Variants in ARHGEF7 observed in about 807,000 individuals in gnomAD.
ARHGEF7 encodes the protein PAK-interacting exchange factor beta.
A neutral mutation model predicts 109.8 loss-of-function variants in ARHGEF7; 33 were observed. The observed-to-expected ratio is 0.30, with a 90% CI of 0.23 to 0.40. The LOEUF (loss-of-function observed/expected upper bound fraction) is 0.40. Among genes scored for constraint, ARHGEF7 ranks in the 10% least tolerant of loss-of-function variants. The pLI is 1.00. For missense variants in ARHGEF7, 938 were observed against 1,098.5 expected (o/e 0.85, Z 2.07); for synonymous variants, 458 against 424.6 (o/e 1.08, Z -0.97).
intron 9 of ARHGEF7, among the ~76,000 whole-genome samples, chr13:111,269,743 C>T (rs1252171069): frequency 6.6e-6 from 1 of 152,138 alleles, no homozygotes; most frequent in Non-Finnish European, 1.5e-5. Flanking sequence ...AGCTTGTGTG[C>T]CCTCCCGAGG....
At chr13:111,252,517 G>A (rs1451276598) in intron 8 of ARHGEF7, among the ~76,000 whole-genome samples, 2 of 152,238 alleles carry the variant, frequency 1.3e-5, no homozygotes, top group African/African-American at 4.8e-5. Context: ...GTGAAAAGAA[G>A]TTATCCCAGA....
chr13:111,292,690 C>T (rs1595590656), intron 19 of ARHGEF7: 1 of 1,050,968 alleles, frequency 9.5e-7, no homozygotes, highest in Non-Finnish European at 1.1e-6. Context: ...TGAAATCACA[C>T]AGGTTTGTGA....
chr13:111,119,976 G>A (rs1248550802), intron 1 of ARHGEF7, among the ~76,000 whole-genome samples: 2 of 152,196 alleles, frequency 1.3e-5, no homozygotes, highest in Non-Finnish European at 2.9e-5. Flanking sequence ...TTATAGAGAA[G>A]TTATAATATG....
chr13:111,297,453 C>T (rs974105389), intron 19 of ARHGEF7, among the ~76,000 whole-genome samples: 8 of 152,222 alleles, frequency 5.3e-5, no homozygotes, highest in Admixed American at 1.3e-4. Context: ...GTGCCGGGCA[C>T]ATACAGTAAC....
intron 2 of ARHGEF7, among the ~76,000 whole-genome samples, chr13:111,193,851 G>A (rs2080185429): frequency 6.6e-6 from 1 of 152,224 alleles, no homozygotes; most frequent in Non-Finnish European, 1.5e-5. Flanking sequence ...TTTGTTGGCA[G>A]TCATGCTCGA....
chr13:111,293,801 G>A lies in ARHGEF7; in HGVS notation c.2311+1507G>A, dbSNP rs201531278. On this transcript the variant is annotated intron_variant, in intron 19 of 21. Coordinates refer to ENST00000646102, the MANE Select transcript of ARHGEF7 (RefSeq NM_001354046.2). ...CTGCCCACTCCTTCGCCAAACCCAC[G>A]TATTCAGTGTTCTGATCTTGTTTGT... 1.3e-5 allele frequency: 13 copies of A among 985,210 alleles called. No individual in the cohort carries two copies. In the East Asian group the frequency reaches 1.1e-3, roughly 86 times the overall value. 61.0% of individuals were successfully genotyped at this position (985,210 alleles called of 1,614,324 possible).
intron 2 of ARHGEF7, among the ~76,000 whole-genome samples, chr13:111,191,373 G>A (rs1594514605): frequency 1.3e-5 from 2 of 152,182 alleles, no homozygotes; most frequent in East Asian, 1.9e-4. Flanking sequence ...CCGTGTATGC[G>A]CTTTTCATTG....
In ARHGEF7 at chr13:111,303,295, A is replaced by G; in HGVS notation, c.*182A>G. 1 of 536,690 alleles carries G rather than the reference A, an allele frequency of 1.9e-6. No homozygotes were observed. Among genetic ancestry groups the G allele is most frequent in the East Asian group, 3.1e-5 (1 of 32,210 alleles). The allele number at this position is 536,690 out of a possible 1,614,324, so 33.2% of individuals were successfully genotyped here. ...GAGACGATCAAACCATGACTGATGA[A>G]TCCAGACAGGAGGGATTGACTCTGA... On this transcript the variant is annotated 3_prime_UTR_variant, in exon 22 of 22. Transcript: ENST00000646102.
At chr13:111,299,612 G>A (rs554120244) in intron 19 of ARHGEF7, among the ~76,000 whole-genome samples, 121 of 152,304 alleles carry the variant, frequency 7.9e-4, no homozygotes, top group Middle Eastern at 3.4e-3. Context: ...AAAGTGCTGG[G>A]ATTACAGGCG....
chr13:111,135,911 A>T (rs1683011110), intron 1 of ARHGEF7, among the ~76,000 whole-genome samples: 1 of 152,202 alleles, frequency 6.6e-6, no homozygotes, highest in Non-Finnish European at 1.5e-5. Context: ...TTGCCCATTC[A>T]GTATGATATT....
intron 5 of ARHGEF7, among the ~76,000 whole-genome samples, chr13:111,221,525 A>G (rs1460978477): frequency 6.0e-5 from 2 of 33,402 alleles, no homozygotes; most frequent in African/African-American, 9.3e-5. Context: ...ATATATATCT[A>G]TATATATCTA....
chr13:111,261,861 G>A (rs1292626034), intron 8 of ARHGEF7, among the ~76,000 whole-genome samples: 1 of 152,186 alleles, frequency 6.6e-6, no homozygotes, highest in Non-Finnish European at 1.5e-5. Context: ...GTGTGCTCCT[G>A]AATGACCAGT....
At chr13:111,187,090 T>C (rs1594455326) in intron 2 of ARHGEF7, 1 of 872,356 alleles carries the variant, frequency 1.1e-6, no homozygotes, top group African/African-American at 1.8e-5. Context: ...CTGGTCAGTG[T>C]GTCCTTTTGC....
chr13:111,303,206 A>G lies in ARHGEF7; in HGVS notation c.*93A>G. 24 of 435,476 alleles carry G rather than the reference A, an allele frequency of 5.5e-5. No homozygotes were observed. Among genetic ancestry groups the G allele is most frequent in the Non-Finnish European group, 9.6e-5 (22 of 228,104 alleles). The allele number at this position is 435,476 out of a possible 1,614,324, so 27.0% of individuals were successfully genotyped here. On this transcript the variant is annotated 3_prime_UTR_variant, in exon 22 of 22. Coordinates refer to ENST00000646102, the MANE Select transcript of ARHGEF7 (RefSeq NM_001354046.2). ...CGGGGTGCACTCAGGACCACAGGGC[A>G]GGGCTGGGTGGGGCGCCACCTTGCT...
chr13:111,120,844 G>T (rs2153317302), intron 1 of ARHGEF7, among the ~76,000 whole-genome samples: 1 of 152,348 alleles, frequency 6.6e-6, no homozygotes, highest in East Asian at 1.9e-4. Flanking sequence ...CTGAGGTCTG[G>T]CAGTTAGCTT....
chr13:111,293,620 C>T (rs1373885095), intron 19 of ARHGEF7: 2 of 985,212 alleles, frequency 2.0e-6, no homozygotes, highest in Non-Finnish European at 2.4e-6. Context: ...CCCATGCACG[C>T]TCTATTTGGT....
At chr13:111,268,869 A>AT (rs2091898856) in intron 9 of ARHGEF7, among the ~76,000 whole-genome samples, 1 of 152,094 alleles carries the variant, frequency 6.6e-6, no homozygotes, top group African/African-American at 2.4e-5. Flanking sequence ...TAATTTTTTT[A>AT]TTTTTTAAAA....
chr13:111,273,296 C>T lies in ARHGEF7; in HGVS notation c.1074-518C>T, dbSNP rs2092290881. Among the ~76,000 whole-genome samples, 1 of 152,240 alleles carries T rather than the reference C, an allele frequency of 6.6e-6. No individual in the cohort carries two copies. The highest frequency in any genetic ancestry group is 1.5e-5 in the Non-Finnish European group (1 of 68,040). On this transcript the variant is annotated intron_variant, in intron 9 of 21. Transcript: ENST00000646102. The surrounding 1 kb of genome is among the most constrained non-coding windows in gnomAD (Gnocchi z 4.5). Reference sequence around the variant, plus strand: ...CTCTTCTCTTGCTGCTTCTCGTGCTCCTCACCCCAAGAGCCATTGCCTACT... The same window carrying T: ...CTCTTCTCTTGCTGCTTCTCGTGCTTCTCACCCCAAGAGCCATTGCCTACT...
intron 6 of ARHGEF7, among the ~76,000 whole-genome samples, chr13:111,240,104 A>T (rs933960807): frequency 6.6e-6 from 1 of 152,158 alleles, no homozygotes; most frequent in African/African-American, 2.4e-5. Context: ...CCAGCTGCAG[A>T]CAGTCAGTGG....
Sources: gnomAD v4.1 joint callset for allele counts (sites outside exome capture counted in the v4.1 genomes callset) on GRCh38, gnomAD v4.1.1 for gene constraint, Gnocchi (gnomAD v3.1) non-coding constraint, MANE v1.5 for transcripts, NCBI Gene and HGNC (gene_info 2026-07-23, HGNC 2026-07-21) for gene names.